Variants in LAMA3 observed in about 807,000 individuals in gnomAD.
LAMA3 encodes the protein laminin subunit alpha 3, also known as laminin subunit alpha-3.
A neutral mutation model predicts 402.0 loss-of-function variants in LAMA3; 281 were observed. The ratio of observed to expected loss-of-function variants is 0.70; its 90% CI spans 0.63 to 0.77. The LOEUF (loss-of-function observed/expected upper bound fraction) is 0.77. Ranked by LOEUF, LAMA3 falls within the 30% of genes least tolerant of loss-of-function variation. The pLI, the probability that LAMA3 is intolerant of heterozygous loss-of-function variation, is 0.00. For missense variants in LAMA3, 3,840 were observed against 4,215.5 expected, an observed-to-expected ratio of 0.91 and a Z score of 2.47; for synonymous variants, 1,431 against 1,558.4, an observed-to-expected ratio of 0.92 and a Z score of 1.93.
intron 35 of LAMA3, 59 bp downstream of exon 35, chr18:23,861,866 G>A (rs990543052): frequency 2.6e-6 from 4 of 1,514,136 alleles, no homozygotes; most frequent in East Asian, 2.4e-5. Flanking sequence ...TGCTGCATGA[G>A]CATCATTTCC....
At chr18:23,788,693 A>G (rs968693246) in intron 12 of LAMA3, among the ~76,000 whole-genome samples, 26 of 152,124 alleles carry the variant, frequency 1.7e-4, no homozygotes, top group Middle Eastern at 3.4e-3. Flanking sequence ...ATAAATCTTC[A>G]TAACCATAAA....
At chr18:23,822,401 G>T in intron 20 of LAMA3, 26 bp downstream of exon 20, 2 of 1,607,606 alleles carry the variant, frequency 1.2e-6, no homozygotes, top group Non-Finnish European at 8.5e-7. Context: ...AAAATGTCAA[G>T]CCTCTTTTCA....
Position 23,775,905 on chromosome 18 carries a change from A to C in LAMA3, c.1387A>C (p.Asn463His), listed in dbSNP as rs774908153. 8.7e-6 allele frequency: 14 copies of C among 1,614,098 alleles called. No homozygotes were observed. Among genetic ancestry groups the C allele is most frequent in the Non-Finnish European group, 1.2e-5 (14 of 1,180,022 alleles). Reference protein sequence around the residue: ...NCEKCAIGYYNFPFCLRIPIF... With the variant: ...NCEKCAIGYYHFPFCLRIPIF... The stretch of plus-strand genomic sequence containing the variant: ...TGAGAAGTGTGCAATTGGATACTAC[A>C]ATTTCCCATTTTGCTTGAGTAAGTA... The change falls in exon 10 of 75, where the codon AAT (asparagine) becomes CAT (histidine). Residue 463 changes from asparagine to histidine, a missense_variant. Physicochemically the swap from Asn to His is moderately conservative, Grantham distance 68. Coordinates refer to ENST00000313654, the MANE Select transcript of LAMA3 (RefSeq NM_198129.4).
At chr18:23,775,719 G>A in intron 9 of LAMA3, 73 bp from the exon 10 acceptor site, 1 of 1,548,524 alleles carries the variant, frequency 6.5e-7, no homozygotes, top group Non-Finnish European at 8.9e-7. Flanking sequence ...CGTTGCCTGG[G>A]AAGTGTTGGA....
intron 2 of LAMA3, among the ~76,000 whole-genome samples, chr18:23,746,025 A>G (rs1404661334): frequency 1.3e-5 from 2 of 152,218 alleles, no homozygotes; most frequent in African/African-American, 4.8e-5. Flanking sequence ...TTCACTACAT[A>G]ATAATGGGAT....
intron 23 of LAMA3, among the ~76,000 whole-genome samples, chr18:23,832,172 G>A (rs1416233399): frequency 5.3e-5 from 8 of 152,190 alleles, no homozygotes; most frequent in East Asian, 1.9e-4. Flanking sequence ...ACTTCTGGGC[G>A]AAAACCTGGT....
intron 40 of LAMA3, 42 bp downstream of exon 40, chr18:23,882,087 G>A (rs1295741180): frequency 8.1e-6 from 11 of 1,359,038 alleles, no homozygotes; most frequent in African/African-American, 1.4e-5. Flanking sequence ...ACCCAAAGTC[G>A]TTTGGTGGCT....
intron 29 of LAMA3, among the ~76,000 whole-genome samples, chr18:23,844,348 T>G (rs1027354724): frequency 2.6e-5 from 4 of 152,250 alleles, no homozygotes; most frequent in African/African-American, 9.6e-5. Flanking sequence ...ACCTTCTTTC[T>G]GCATTGTTCT....
intron 8 of LAMA3, among the ~76,000 whole-genome samples, chr18:23,771,655 T>G (rs1182980737): frequency 6.6e-6 from 1 of 152,222 alleles, no homozygotes; most frequent in East Asian, 1.9e-4. Context: ...AAGTGACTGA[T>G]AGCTGCAATT....
At chr18:23,771,447 G>A (rs1375328621) in intron 8 of LAMA3, among the ~76,000 whole-genome samples, 1 of 152,118 alleles carries the variant, frequency 6.6e-6, no homozygotes, top group Non-Finnish European at 1.5e-5. Flanking sequence ...AGGAACTTTG[G>A]GGTAATGATA....
At chr18:23,898,083 A>G (rs1015035980) in intron 44 of LAMA3, among the ~76,000 whole-genome samples, 10 of 152,188 alleles carry the variant, frequency 6.6e-5, no homozygotes, top group African/African-American at 2.4e-4. Context: ...ACTTTTTCCA[A>G]AAAATGGAAA....
At chr18:23,721,176 C>T (rs2061206510) in intron 2 of LAMA3, among the ~76,000 whole-genome samples, 3 of 151,954 alleles carry the variant, frequency 2.0e-5, no homozygotes. Flanking sequence ...AAAAAAGTCT[C>T]TCTCTCTTTC....
At chr18:23,802,450 G>A (rs2062882053) in intron 12 of LAMA3, among the ~76,000 whole-genome samples, 1 of 152,114 alleles carries the variant, frequency 6.6e-6, no homozygotes, top group Non-Finnish European at 1.5e-5. Flanking sequence ...CACAAGACAT[G>A]GTAATACTAA....
At chr18:23,771,732 T>A (rs530824905) in intron 8 of LAMA3, among the ~76,000 whole-genome samples, 2 of 152,176 alleles carry the variant, frequency 1.3e-5, no homozygotes, top group African/African-American at 4.8e-5. Context: ...GATGGATAAT[T>A]ATGTGATAAA....
At chr18:23,907,733 C>T (rs1282774987) in intron 53 of LAMA3, 23 bp from the exon 54 acceptor site, 10 of 1,613,690 alleles carry the variant, frequency 6.2e-6, no homozygotes, top group Non-Finnish European at 7.6e-6. Flanking sequence ...ATACTTATAC[C>T]TCCCTATCTG....
intron 55 of LAMA3, among the ~76,000 whole-genome samples, chr18:23,912,141 T>TG (rs1459271947): frequency 6.9e-6 from 1 of 145,310 alleles, no homozygotes; most frequent in Non-Finnish European, 1.5e-5. Context: ...TATATATAGT[T>TG]TTTTTTTTTT....
In LAMA3 at chr18:23,775,848, C is replaced by A; in HGVS notation, c.1330C>A (p.His444Asn). The A allele has an allele frequency of 6.2e-7, 1 of 1,614,046 alleles. No homozygotes were observed. Among genetic ancestry groups the A allele is most frequent in the Non-Finnish European group, 8.5e-7 (1 of 1,179,896 alleles). Reference sequence around the variant, plus strand: ...CTGTGAACAGGGTTCAGGCCGCTGTCACTGCAAGCCAAATTTCCACGGAGA... The same window carrying A: ...CTGTGAACAGGGTTCAGGCCGCTGTAACTGCAAGCCAAATTTCCACGGAGA... ...DGCEQGSGRC[H>N]CKPNFHGDNC... The change falls in exon 10 of 75, where the codon CAC (histidine) becomes AAC (asparagine). Residue 444 changes from histidine (H) to asparagine (N), a missense_variant. Around this residue, in one of 3 missense-constraint regions of LAMA3, gnomAD observed 2,109 missense variants for 2,376.0 expected, o/e 0.89. Coordinates refer to ENST00000313654, the MANE Select transcript of LAMA3 (RefSeq NM_198129.4).
Position 23,895,005 on chromosome 18 carries a change from G to T in LAMA3, c.5560G>T (p.Ala1854Ser), listed in dbSNP as rs778590407. ...KSQLQGLSAS[A>S]GLLEQMRHME... The stretch of plus-strand genomic sequence containing the variant: ...TCAGCTGCAGGGCCTGAGTGCCAGC[G>T]CAGGGCTTCTGGAGCAGATGAGGCA... The change falls in exon 44 of 75, where the codon GCA becomes TCA. Residue 1854 changes from alanine to serine, a missense_variant. By Grantham distance (99) the Ala-to-Ser change is moderately conservative. Transcript: ENST00000313654. 7.4e-6 allele frequency: 12 copies of T among 1,612,618 alleles called. No homozygotes were observed. The highest frequency in any genetic ancestry group is 5.3e-5 in the African/African-American group (4 of 74,872).
chr18:23,734,893 C>A (rs544607136), intron 2 of LAMA3, among the ~76,000 whole-genome samples: 34 of 152,290 alleles, frequency 2.2e-4, no homozygotes, highest in Non-Finnish European at 1.3e-4. Flanking sequence ...AGGAGCAGGA[C>A]CTGGCCGTCC....
Sources: allele counts gnomAD v4.1 joint callset (sites outside exome capture counted in the v4.1 genomes callset), GRCh38; gene constraint gnomAD v4.1.1; regional missense constraint gnomAD v4.1.1; transcripts MANE v1.5; gene names NCBI Gene and HGNC (gene_info 2026-07-23, HGNC 2026-07-21).